Variants in MYCBP2 observed in about 807,000 individuals in gnomAD.
The protein encoded by MYCBP2 is MYC binding protein 2.
Under a neutral mutation model 525.3 loss-of-function variants are expected in MYCBP2, and 120 were observed. The ratio of observed to expected loss-of-function variants is 0.23; its 90% confidence interval spans 0.20 to 0.27. The LOEUF (loss-of-function observed/expected upper bound fraction) is 0.27. Ranked by LOEUF, MYCBP2 falls within the 10% of genes least tolerant of loss-of-function variation. MYCBP2 has a pLI of 1.00. For synonymous variants in MYCBP2, 1,894 were observed against 1,955.8 expected, an observed-to-expected ratio of 0.97 and a Z score of 0.83; for missense variants, 4,149 against 5,657.1, an observed-to-expected ratio of 0.73 and a Z score of 8.55.
At chr13:77,099,166 G>A (rs1226529392) in intron 55 of MYCBP2, 153 bp from the exon 56 acceptor site, 2 of 1,026,300 alleles carry the variant, frequency 1.9e-6, no homozygotes, top group Non-Finnish European at 2.8e-6. Context: ...AAAGAAGGGG[G>A]AAATATTTCT....
chr13:77,051,270 T>A (rs963935893), intron 81 of MYCBP2, 108 bp from the exon 82 acceptor site: 1 of 911,270 alleles, frequency 1.1e-6, no homozygotes. Flanking sequence ...TTTGAGGGCC[T>A]ACATAACTCT....
intron 2 of MYCBP2, among the ~76,000 whole-genome samples, chr13:77,293,410 TAAGG>T (rs2077703502): frequency 1.3e-5 from 2 of 152,144 alleles, no homozygotes; most frequent in Non-Finnish European, 2.9e-5. Context: ...GAACTCACCT[TAAGG>T]GAGGGACAAA....
At chr13:77,272,047 A>G (rs2074972181) in intron 5 of MYCBP2, among the ~76,000 whole-genome samples, 1 of 152,230 alleles carries the variant, frequency 6.6e-6, no homozygotes, top group Non-Finnish European at 1.5e-5. Context: ...CAGAGGATCA[A>G]GTAGTTTTGT....
At chr13:77,093,077 A>G (rs1346877721) in intron 59 of MYCBP2, 88 bp downstream of exon 59, 3 of 1,315,230 alleles carry the variant, frequency 2.3e-6, no homozygotes. Flanking sequence ...CAGATGTATT[A>G]AAGAACTTCT....
intron 3 of MYCBP2, among the ~76,000 whole-genome samples, chr13:77,279,220 T>G (rs763749462): frequency 6.6e-6 from 1 of 152,292 alleles, no homozygotes; most frequent in East Asian, 1.9e-4. Flanking sequence ...ACAGCACATA[T>G]AGTAAAAAGA....
intron 26 of MYCBP2, among the ~76,000 whole-genome samples, chr13:77,195,565 C>A (rs1217848946): frequency 1.3e-5 from 2 of 151,728 alleles, no homozygotes; most frequent in African/African-American, 4.8e-5. Context: ...TCACTGCACT[C>A]CAGTGTGGGC....
chr13:77,142,496 CT>C (rs1471379191), intron 49 of MYCBP2, among the ~76,000 whole-genome samples: 1 of 152,220 alleles, frequency 6.6e-6, no homozygotes, highest in Non-Finnish European at 1.5e-5. Context: ...TAAAGTACCT[CT>C]TTACCTCCAC....
At chr13:77,178,246 A>C (rs1445455209) in intron 34 of MYCBP2, among the ~76,000 whole-genome samples, 1 of 152,206 alleles carries the variant, frequency 6.6e-6, no homozygotes, top group Non-Finnish European at 1.5e-5. Flanking sequence ...ATAATGTATG[A>C]ATAAATCATC....
At chr13:77,045,963 T>C (rs1435494687) in intron 82 of MYCBP2, among the ~76,000 whole-genome samples, 5 of 152,162 alleles carry the variant, frequency 3.3e-5, no homozygotes, top group Admixed American at 6.5e-5. Flanking sequence ...TTTTTACTGA[T>C]GAAAAAGCCC....
Position 77,056,102 on chromosome 13 carries a change from GTGTGTGTGT to G in MYCBP2, c.13438-344_13438-336del, listed in dbSNP as rs1566301724. Among the ~76,000 whole-genome samples the G allele has an allele frequency of 2.3e-3, 116 of 50,992 alleles. 2 individuals carry two copies. Among genetic ancestry groups the G allele is most frequent in the Middle Eastern group, 0.014 (1 of 74 alleles). 33.5% of individuals were successfully genotyped at this position (50,992 alleles called of 152,430 possible). ...AAATAAGACACGCTCTGTGTTTGGT[GTGTGTGTGT>G]GTGTGTGTGTGTGTGTGTGTGTGTG... On this transcript the variant is annotated intron_variant, in intron 79 of 82. Coordinates refer to ENST00000544440, the MANE Select transcript of MYCBP2 (RefSeq NM_015057.5).
intron 32 of MYCBP2, among the ~76,000 whole-genome samples, chr13:77,182,591 G>A (rs1289579005): frequency 6.6e-6 from 1 of 152,148 alleles, no homozygotes; most frequent in Non-Finnish European, 1.5e-5. Context: ...TAGCAAAGAA[G>A]AAAAGAACCA....
intron 20 of MYCBP2, among the ~76,000 whole-genome samples, chr13:77,219,769 C>T (rs747647344): frequency 6.6e-6 from 1 of 151,750 alleles, no homozygotes; most frequent in Non-Finnish European, 1.5e-5. Context: ...TTTGAAGATT[C>T]GAGAAAAGGT....
At chr13:77,165,429 C>A in intron 41 of MYCBP2, 38 bp from the exon 42 acceptor site, 1 of 1,431,612 alleles carries the variant, frequency 7.0e-7, no homozygotes, top group African/African-American at 1.4e-5. Flanking sequence ...AACTCTAAAA[C>A]AATTTTATAA....
intron 1 of MYCBP2, among the ~76,000 whole-genome samples, chr13:77,298,089 A>G (rs1470488148): frequency 6.6e-6 from 1 of 152,210 alleles, no homozygotes; most frequent in Non-Finnish European, 1.5e-5. Flanking sequence ...ATCCTCTTCC[A>G]ATAACTGACC....
intron 5 of MYCBP2, 89 bp from the exon 6 acceptor site, chr13:77,270,627 A>G: frequency 1.6e-6 from 2 of 1,268,382 alleles, no homozygotes; most frequent in Admixed American, 2.7e-5. Context: ...ATCATCATTC[A>G]TAAGACAATA....
At chr13:77,226,893 A>G (rs1231624667) in intron 18 of MYCBP2, among the ~76,000 whole-genome samples, 4 of 152,180 alleles carry the variant, frequency 2.6e-5, no homozygotes. Context: ...CACTGAAGTA[A>G]AAATTCAGTT....
rs1389224657 is a variant in MYCBP2 at position 77,205,674 on chromosome 13, A to AG, written c.3590-77dup. ...TGGTATTGATGACATTAAATGCTATAGGGGATAAATTAAAATAAATAAACT... is the reference window on the plus strand; with the variant it reads ...TGGTATTGATGACATTAAATGCTATAGGGGGATAAATTAAAATAAATAAACT... On this transcript the variant is annotated intron_variant, in intron 24 of 82. Transcript: ENST00000544440. The AG allele has an allele frequency of 2.4e-6, 3 of 1,266,744 alleles. No individual in the cohort carries two copies. In the African/African-American group the frequency reaches 4.6e-5, roughly 19 times the overall value. The allele number at this position is 1,266,744 out of a possible 1,614,324, so 78.5% of individuals were successfully genotyped here. A position where few individuals can be genotyped will look rare whatever the true frequency, so the allele number is the denominator to read the frequency against.
chr13:77,158,792 G>A (rs1229077299), intron 44 of MYCBP2, among the ~76,000 whole-genome samples: 1 of 152,108 alleles, frequency 6.6e-6, no homozygotes, highest in African/African-American at 2.4e-5. Context: ...CATGAGTAAG[G>A]TGTGTCTGTT....
At chr13:77,231,296 T>C (rs1257092972) in intron 18 of MYCBP2, among the ~76,000 whole-genome samples, 1 of 152,176 alleles carries the variant, frequency 6.6e-6, no homozygotes, top group Non-Finnish European at 1.5e-5. Context: ...AACTTGTTTT[T>C]TCACTGCAAC....
Sources: allele counts gnomAD v4.1 joint callset (sites outside exome capture counted in the v4.1 genomes callset), GRCh38; gene constraint gnomAD v4.1.1; transcripts MANE v1.5; gene names NCBI Gene and HGNC (gene_info 2026-07-23, HGNC 2026-07-21).